The following PDE1C variants were observed in gnomAD, a reference collection of about 807,000 sequenced individuals.
The protein encoded by PDE1C is phosphodiesterase 1C.
A neutral mutation model predicts 93.1 loss-of-function variants in PDE1C; 62 were observed. The observed-to-expected ratio is 0.67, with a 90% CI of 0.54 to 0.82. The LOEUF is 0.82. PDE1C is among the 40% of genes least tolerant of loss of function. PDE1C has a pLI of 0.00. For missense variants in PDE1C, 742 were observed against 884.6 expected (o/e 0.84, Z 2.04); for synonymous variants, 325 against 310.1 (o/e 1.05, Z -0.50).
intron 1 of PDE1C, among the ~76,000 whole-genome samples, chr7:32,414,700 G>A (rs577558564): frequency 5.9e-5 from 9 of 152,118 alleles, no homozygotes; most frequent in Admixed American, 2.0e-4. Flanking sequence ...AACAGTTATC[G>A]GTGCTTCCCT....
chr7:31,990,794 G>A (rs1003862662), intron 2 of PDE1C, among the ~76,000 whole-genome samples: 1 of 152,066 alleles, frequency 6.6e-6, no homozygotes, highest in African/African-American at 2.4e-5. Flanking sequence ...TCCTCTGCTG[G>A]AGATTCACAT....
At chr7:32,345,145 C>T (rs1431334719) in intron 1 of PDE1C, among the ~76,000 whole-genome samples, 3 of 152,148 alleles carry the variant, frequency 2.0e-5, no homozygotes, top group African/African-American at 7.2e-5. Flanking sequence ...GATCCCCCAT[C>T]CCTGAAATTT....
intron 2 of PDE1C, among the ~76,000 whole-genome samples, chr7:32,002,591 T>G (rs1334950875): frequency 6.6e-6 from 1 of 152,182 alleles, no homozygotes. Context: ...AAATGTTAGT[T>G]GTGTGGTTTT....
At chr7:31,707,129 A>G in the PDE1C span, 4 of 1,377,524 alleles carry the variant, frequency 2.9e-6, no homozygotes, top group Non-Finnish European at 4.1e-6. Flanking sequence ...GCTCCTTTGT[A>G]CTGTGTCTGT....
chr7:31,966,313 T>C (rs1304471677), intron 2 of PDE1C, among the ~76,000 whole-genome samples: 1 of 152,064 alleles, frequency 6.6e-6, no homozygotes, highest in Non-Finnish European at 1.5e-5. Context: ...GCAATCCTAG[T>C]CTCAGATAAA....
intron 1 of PDE1C, among the ~76,000 whole-genome samples, chr7:32,372,313 C>A (rs1784348486): frequency 6.6e-6 from 1 of 152,156 alleles, no homozygotes; most frequent in Non-Finnish European, 1.5e-5. Context: ...CTCGGCCTCC[C>A]AAAGTGTTGG....
intron 1 of PDE1C, among the ~76,000 whole-genome samples, chr7:32,056,611 G>A (rs892997425): frequency 2.0e-5 from 3 of 152,170 alleles, no homozygotes; most frequent in Non-Finnish European, 2.9e-5. Context: ...ACGGGGTGAT[G>A]TGAGAGTTAA....
intron 7 of PDE1C, among the ~76,000 whole-genome samples, chr7:31,862,105 G>T (rs1794757261): frequency 6.6e-6 from 1 of 152,166 alleles, no homozygotes; most frequent in African/African-American, 2.4e-5. Context: ...TCTTAGCATG[G>T]CTGAAGCCAA....
At chr7:31,962,088 G>A (rs899599452) in intron 2 of PDE1C, among the ~76,000 whole-genome samples, 2 of 152,128 alleles carry the variant, frequency 1.3e-5, no homozygotes, top group Admixed American at 6.5e-5. Context: ...TAAAACTCTG[G>A]CTTCTAAATA....
chr7:32,150,538 A>G (rs576317726), intron 3 of PDE1C, among the ~76,000 whole-genome samples: 9 of 152,320 alleles, frequency 5.9e-5, no homozygotes, highest in Admixed American at 5.2e-4. Context: ...AAACAGGTGG[A>G]ACCATTAAAA....
At chr7:32,300,197 C>G (rs879295149), upstream of PDE1C, among the ~76,000 whole-genome samples, 9 of 152,108 alleles carry the variant, frequency 5.9e-5, no homozygotes, top group Admixed American at 5.2e-4. Context: ...TAATGCATGT[C>G]CCAGGAATTT....
chr7:31,651,357 T>C, the PDE1C span: 1 of 1,442,640 alleles, frequency 6.9e-7, no homozygotes, highest in Non-Finnish European at 9.2e-7. Flanking sequence ...AGGAGCACCC[T>C]GGAGCAGAGC....
At position 31,775,674 on chromosome 7, in the gene PDE1C, A is replaced by G. The variant is rs374467419; in HGVS notation, c.1950T>C (p.Leu650=). The change falls in exon 17 of 18, where the codon CTT becomes CTC. Residue 650 remains leucine, a synonymous_variant. Transcript: ENST00000396191. ...PAPSTSSTCR[L]TLPVIKPPLR... ...ATGCTGTTTACCCACCTGGCAACGT[A>G]AGGCGACACGTGGAGCTGGTGCTTG... 3.2e-5 allele frequency: 51 copies of G among 1,612,618 alleles called. 1 individual carries two copies. The East Asian group carries it at 1.0e-3, about 32-fold the overall frequency.
At chr7:31,812,756 A>G (rs1260265257) in intron 15 of PDE1C, among the ~76,000 whole-genome samples, 1 of 152,108 alleles carries the variant, frequency 6.6e-6, no homozygotes, top group African/African-American at 2.4e-5. Flanking sequence ...AAGCATGCCA[A>G]TCCCTGGAAT....
At chr7:32,173,213 G>C (rs920316084) in intron 2 of PDE1C, among the ~76,000 whole-genome samples, 2 of 152,154 alleles carry the variant, frequency 1.3e-5, no homozygotes, top group African/African-American at 4.8e-5. Flanking sequence ...CCTTTGCAGG[G>C]ACATGGGTGA....
the PDE1C span, among the ~76,000 whole-genome samples, chr7:31,655,118 G>A: frequency 6.6e-6 from 1 of 151,966 alleles, no homozygotes; most frequent in Admixed American, 6.6e-5. Context: ...ATTTTTTACT[G>A]TCCATAAGAC....
At chr7:32,025,966 C>T (rs1378432979) in intron 2 of PDE1C, among the ~76,000 whole-genome samples, 3 of 152,084 alleles carry the variant, frequency 2.0e-5, no homozygotes, top group South Asian at 2.1e-4. Context: ...CTAATGAGGC[C>T]CCTCTACCTG....
chr7:32,032,920 C>T (rs1196783052), intron 2 of PDE1C, among the ~76,000 whole-genome samples: 1 of 152,074 alleles, frequency 6.6e-6, no homozygotes, highest in Non-Finnish European at 1.5e-5. Context: ...CAGCAAAGCT[C>T]GGGTACACAA....
At chr7:32,038,331 G>T (rs150330110) in intron 2 of PDE1C, among the ~76,000 whole-genome samples, 1 of 151,986 alleles carries the variant, frequency 6.6e-6, no homozygotes, top group Non-Finnish European at 1.5e-5. Context: ...TTAATCTCCC[G>T]CACAAGCAGA....
Sources: gnomAD v4.1 joint callset for allele counts (sites outside exome capture counted in the v4.1 genomes callset) on GRCh38, gnomAD v4.1.1 for gene constraint, MANE v1.5 for transcripts, NCBI Gene and HGNC (gene_info 2026-07-23, HGNC 2026-07-21) for gene names.